The following SLC25A21 variants were observed in gnomAD, a reference collection of about 807,000 sequenced individuals.
SLC25A21 encodes mitochondrial 2-oxodicarboxylate carrier.
A neutral mutation model predicts 43.8 loss-of-function variants in SLC25A21; 47 were observed. The observed-to-expected ratio is 1.07, with a 90% CI of 0.85 to 1.37. The LOEUF (loss-of-function observed/expected upper bound fraction) is 1.37. Ranked by LOEUF, SLC25A21 falls within the 40% of genes most tolerant of loss-of-function variation. The probability of loss-of-function intolerance (pLI) is 0.00; values close to 1 mark genes in which losing one functional copy is unlikely to be tolerated. For synonymous variants in SLC25A21, 131 were observed against 121.3 expected (o/e 1.08, Z -0.52); for missense variants, 352 against 350.2 (o/e 1.00, Z -0.04).
chr14:37,137,105 A>ATT (rs1419392754), intron 1 of SLC25A21, among the ~76,000 whole-genome samples: 12 of 152,052 alleles, frequency 7.9e-5, no homozygotes, highest in African/African-American at 1.7e-4. Flanking sequence ...GGTTCACGCC[A>ATT]CTCTGCCTCA....
At chr14:36,892,015 T>C (rs1180876417) in intron 1 of SLC25A21, among the ~76,000 whole-genome samples, 2 of 152,156 alleles carry the variant, frequency 1.3e-5, no homozygotes, top group Non-Finnish European at 2.9e-5. Context: ...CCTGATGTAG[T>C]GGTTAAGCAT....
chr14:37,072,877 G>A (rs574812801), intron 1 of SLC25A21, among the ~76,000 whole-genome samples: 2 of 152,336 alleles, frequency 1.3e-5, no homozygotes, highest in East Asian at 3.9e-4. Flanking sequence ...ATATACATGT[G>A]TAGATAACAT....
chr14:36,917,508 A>C (rs1262183365), intron 1 of SLC25A21, among the ~76,000 whole-genome samples: 2 of 152,134 alleles, frequency 1.3e-5, no homozygotes, highest in Non-Finnish European at 2.9e-5. Flanking sequence ...AGCTCCTCAA[A>C]AACAGAATAC....
chr14:36,957,138 A>T (rs1343725774), intron 1 of SLC25A21, among the ~76,000 whole-genome samples: 1 of 152,250 alleles, frequency 6.6e-6, no homozygotes, highest in African/African-American at 2.4e-5. Context: ...TCATTACTTT[A>T]GAGACACAGG....
chr14:37,011,198 A>T (rs774722392), intron 1 of SLC25A21, among the ~76,000 whole-genome samples: 9 of 152,142 alleles, frequency 5.9e-5, no homozygotes, highest in Non-Finnish European at 1.2e-4. Context: ...GACATTTTAA[A>T]TTTTTGTAAA....
In SLC25A21 at chr14:36,786,319, T is replaced by C. The variant is rs547532459; in HGVS notation, c.203+27599A>G. On this transcript the variant is annotated intron_variant, in intron 3 of 9. Transcript: ENST00000331299. The stretch of plus-strand genomic sequence containing the variant: ...TCAAGCCTCTATACTGTTCTTCAAA[T>C]ATAATTGATATGCTGGCATTTTTAA... Among the ~76,000 whole-genome samples the C allele has an allele frequency of 2.6e-5, 4 of 152,338 alleles. No homozygotes were observed. The South Asian group carries it at 8.3e-4, about 32-fold the overall frequency.
At chr14:36,861,453 T>TA (rs771851383) in intron 2 of SLC25A21, among the ~76,000 whole-genome samples, 12 of 152,324 alleles carry the variant, frequency 7.9e-5, no homozygotes, top group South Asian at 2.1e-4. Context: ...AGCTCACAGT[T>TA]AGAGTTTTCT....
chr14:37,031,284 A>G (rs1961204978), intron 1 of SLC25A21, among the ~76,000 whole-genome samples: 1 of 152,200 alleles, frequency 6.6e-6, no homozygotes, highest in African/African-American at 2.4e-5. Context: ...TTCAAAGCAT[A>G]TGTTCCATTC....
chr14:36,726,495 G>T (rs1369228644), intron 5 of SLC25A21, among the ~76,000 whole-genome samples: 1 of 151,880 alleles, frequency 6.6e-6, no homozygotes, highest in Non-Finnish European at 1.5e-5. Context: ...CAAAGACAAA[G>T]AAATGACTAG....
At chr14:36,731,004 G>A (rs938079141) in intron 4 of SLC25A21, among the ~76,000 whole-genome samples, 1 of 146,932 alleles carries the variant, frequency 6.8e-6, no homozygotes, top group East Asian at 2.0e-4. Flanking sequence ...ATGGAGTCTC[G>A]CTCTGTCGCC....
At chr14:37,004,480 G>C (rs913878086) in intron 1 of SLC25A21, among the ~76,000 whole-genome samples, 2 of 152,216 alleles carry the variant, frequency 1.3e-5, no homozygotes, top group Non-Finnish European at 2.9e-5. Flanking sequence ...TATGTGTTAA[G>C]TCAGTGAAAA....
intron 1 of SLC25A21, among the ~76,000 whole-genome samples, chr14:37,017,409 C>A (rs1960880827): frequency 6.6e-6 from 1 of 152,060 alleles, no homozygotes; most frequent in African/African-American, 2.4e-5. Flanking sequence ...CACTGTTTTA[C>A]ATGTACATGG....
intron 2 of SLC25A21, among the ~76,000 whole-genome samples, chr14:36,819,932 C>T (rs1200205886): frequency 6.6e-6 from 1 of 152,044 alleles, no homozygotes; most frequent in African/African-American, 2.4e-5. Flanking sequence ...TATGAATATG[C>T]AGTAATTGAA....
chr14:36,777,560 C>T (rs1886884185), intron 3 of SLC25A21, among the ~76,000 whole-genome samples: 1 of 152,084 alleles, frequency 6.6e-6, no homozygotes, highest in South Asian at 2.1e-4. Context: ...TGAGAAGATA[C>T]TCAAAGAAAC....
intron 3 of SLC25A21, among the ~76,000 whole-genome samples, chr14:36,779,342 T>A (rs1003238313): frequency 9.0e-5 from 13 of 145,224 alleles, no homozygotes; most frequent in African/African-American, 2.5e-4. Flanking sequence ...TCCAGCCTTT[T>A]AAAAAAAGAA....
intron 2 of SLC25A21, among the ~76,000 whole-genome samples, chr14:36,852,120 C>G (rs536709996): frequency 1.3e-5 from 2 of 152,050 alleles, no homozygotes; most frequent in Non-Finnish European, 2.9e-5. Context: ...GGGAACATAC[C>G]CTTTCTGATC....
intron 1 of SLC25A21, among the ~76,000 whole-genome samples, chr14:37,120,471 C>T (rs1963187812): frequency 6.6e-6 from 1 of 152,170 alleles, no homozygotes; most frequent in Non-Finnish European, 1.5e-5. Context: ...TCCAATAAAT[C>T]AGTGGTGACT....
rs1890838924 is a variant in SLC25A21 at position 36,883,963 on chromosome 14, ATACT to A, written c.71-8963_71-8960del. On this transcript the variant is annotated intron_variant, in intron 1 of 9. Coordinates refer to ENST00000331299, the MANE Select transcript of SLC25A21 (RefSeq NM_030631.4). ...CTAATGAACATATCCATCACTTCAT[ATACT>A]TACAAACTTTTTGTAGTGAGAACAT... 1.3e-5 allele frequency among the ~76,000 whole-genome samples: 2 copies of A among 152,208 alleles called. 1 individual carries two copies. The highest frequency in any genetic ancestry group is 4.1e-4 in the South Asian group (2 of 4,828).
intron 3 of SLC25A21, among the ~76,000 whole-genome samples, chr14:36,747,619 A>G (rs1460371275): frequency 6.6e-6 from 1 of 152,188 alleles, no homozygotes; most frequent in African/African-American, 2.4e-5. Context: ...TTCTGCTGCA[A>G]CCAATTCATA....
Sources: allele counts gnomAD v4.1 joint callset (sites outside exome capture counted in the v4.1 genomes callset), GRCh38; gene constraint gnomAD v4.1.1; transcripts MANE v1.5; gene names NCBI Gene and HGNC (gene_info 2026-07-23, HGNC 2026-07-21).